Variants in GGT1 observed in about 807,000 individuals in gnomAD.
The protein encoded by GGT1 is gamma-glutamyltransferase 1.
GGT1 carries 21 observed loss-of-function variants against 56.0 expected under a neutral mutation model. That is an observed-to-expected ratio of 0.38 (90% CI 0.27 to 0.54). GGT1 has a LOEUF of 0.54. Ranked by LOEUF, GGT1 falls within the 20% of genes least tolerant of loss-of-function variation. The probability of loss-of-function intolerance (pLI) is 0.82; values close to 1 mark genes in which losing one functional copy is unlikely to be tolerated. For missense variants in GGT1, 466 were observed against 787.0 expected (o/e 0.59, Z 4.88); for synonymous variants, 238 against 342.6 (o/e 0.69, Z 3.37).
intron 1 of GGT1, among the ~76,000 whole-genome samples, chr22:24,606,237 A>G (rs1353524235): frequency 3.3e-5 from 5 of 149,602 alleles, no homozygotes; most frequent in South Asian, 2.1e-4. Context: ...TGCTGCACCC[A>G]TTAACTTGTC....
chr22:24,599,175 G>A (rs946329307), upstream of GGT1: 1 of 152,182 alleles, frequency 6.6e-6, no homozygotes, highest in Non-Finnish European at 1.5e-5. Context: ...TGGGCACTGT[G>A]GATACTGTGG....
At chr22:24,625,810 T>C (rs1284323621) in intron 11 of GGT1, among the ~76,000 whole-genome samples, 4 of 151,056 alleles carry the variant, frequency 2.6e-5, no homozygotes, top group African/African-American at 9.8e-5. Context: ...ATTACAGGCA[T>C]GAGCCACCGT....
At chr22:24,607,628 C>G (rs1401109765) in intron 1 of GGT1, 1 of 159,814 alleles carries the variant, frequency 6.3e-6, no homozygotes, top group Non-Finnish European at 1.4e-5. Context: ...TCCTCCCAGC[C>G]AGGCTGGACC....
At chr22:24,624,135 C>T (rs79452453) in intron 11 of GGT1, 31,327 of 985,332 alleles carry the variant, frequency 0.032, 571 homozygotes, top group Non-Finnish European at 0.035. Flanking sequence ...AGTGGCCACC[C>T]TCCTACCTCA....
chr22:24,604,406 C>T (rs1307117830), intron 1 of GGT1, among the ~76,000 whole-genome samples: 7 of 152,298 alleles, frequency 4.6e-5, no homozygotes, highest in South Asian at 4.1e-4. Flanking sequence ...GACTGGCTGC[C>T]GTGTCTACCT....
chr22:24,591,187 C>A (rs1178104203), upstream of GGT1, among the ~76,000 whole-genome samples: 1 of 152,276 alleles, frequency 6.6e-6, no homozygotes, highest in African/African-American at 2.4e-5. Context: ...TCAAGCAATT[C>A]TCCTGCCTCA....
intron 9 of GGT1, among the ~76,000 whole-genome samples, chr22:24,621,554 T>C (rs919582373): frequency 1.6e-5 from 2 of 123,862 alleles, no homozygotes; most frequent in African/African-American, 7.8e-5. Context: ...GGCTGTGGCT[T>C]TCTTCAGGTA....
At chr22:24,615,179 G>A (rs554691860) in intron 7 of GGT1, 52 bp downstream of exon 7, 28 of 1,344,822 alleles carry the variant, frequency 2.1e-5, no homozygotes, top group Non-Finnish European at 2.8e-5. Flanking sequence ...CTGAGCCACC[G>A]GGAAGGGGCC....
At chr22:24,596,712 A>G (rs1216922378) in intron 1 of GGT1, among the ~76,000 whole-genome samples, 4 of 149,220 alleles carry the variant, frequency 2.7e-5, no homozygotes, top group African/African-American at 9.9e-5. Context: ...ATCCTGTCCA[A>G]CATGGTGAAA....
At chr22:24,605,136 TATAATATATA>T in intron 1 of GGT1, among the ~76,000 whole-genome samples, 1 of 79,216 alleles carries the variant, frequency 1.3e-5, no homozygotes, top group African/African-American at 6.0e-5. Context: ...TAATATATTA[TATAATATATA>T]ATATGTATTA....
chr22:24,599,567 G>A (rs2045749555), upstream of GGT1, among the ~76,000 whole-genome samples: 1 of 152,104 alleles, frequency 6.6e-6, no homozygotes, highest in African/African-American at 2.4e-5. Context: ...GGGACTGGAG[G>A]TCAGGTGAGG....
chr22:24,588,072 A>C, the GGT1 span: 6 of 663,624 alleles, frequency 9.0e-6, no homozygotes, highest in Non-Finnish European at 1.6e-5. Flanking sequence ...GCTGACTTCC[A>C]GGGTAGGGCC....
chr22:24,602,239 A>C (rs977139110), upstream of GGT1, among the ~76,000 whole-genome samples: 1 of 151,988 alleles, frequency 6.6e-6, no homozygotes, highest in African/African-American at 2.4e-5. Context: ...CCCCAAATCC[A>C]ATCCCAGCTC....
Position 24,596,333 on chromosome 22 carries a change from G to A in GGT1, c.-324+1447G>A, listed in dbSNP as rs138169201. On this transcript the variant is annotated intron_variant, in intron 1 of 6. Coordinates refer to the GGT1 transcript ENST00000411974. The stretch of plus-strand genomic sequence containing the variant: ...CCACACTCCCTTTGAGGACTCCAGG[G>A]GAAGATCCTTCCTTGTCTCTTCAGC... Among the ~76,000 whole-genome samples the A allele has an allele frequency of 1.4e-3, 213 of 152,296 alleles. 3 individuals are homozygous for A. The highest frequency in any genetic ancestry group is 4.9e-3 in the African/African-American group (202 of 41,552).
upstream of GGT1, chr22:24,593,060 C>T: frequency 9.6e-7 from 1 of 1,038,656 alleles, no homozygotes; most frequent in South Asian, 4.5e-5. Flanking sequence ...CGATGGTCGC[C>T]GAACCCACAG....
At position 24,611,262 on chromosome 22, in the gene GGT1, A is replaced by C. The variant is rs2046634592; in HGVS notation, c.164+17A>C. 1 of 1,477,672 alleles carries C rather than the reference A, an allele frequency of 6.8e-7. No individual in the cohort carries two copies. The highest frequency in any genetic ancestry group is 9.3e-7 in the Non-Finnish European group (1 of 1,080,172). The allele number at this position is 1,477,672 out of a possible 1,614,324, so 91.5% of individuals were successfully genotyped here. A position where few individuals can be genotyped will look rare whatever the true frequency, so the allele number is the denominator to read the frequency against. ...GATTGGGAGGTGAGCAGGGCAGGGC[A>C]TGGGACATGGGCCCTGAAAACTGGG... On this transcript the variant is annotated intron_variant, in intron 5 of 15. Transcript: ENST00000400382.
At chr22:24,608,521 C>T (rs2046461172) in intron 2 of GGT1, among the ~76,000 whole-genome samples, 1 of 152,246 alleles carries the variant, frequency 6.6e-6, no homozygotes, top group African/African-American at 2.4e-5. Context: ...CCCTCCAGGG[C>T]ACTCAGCATG....
chr22:24,615,746 A>G (rs4049868), intron 7 of GGT1: 7 of 153,310 alleles, frequency 4.6e-5, no homozygotes, highest in African/African-American at 9.7e-5. Flanking sequence ...AGGTACCTGA[A>G]GGGAAGCCAC....
At chr22:24,614,963 C>G (rs2046967022) in intron 6 of GGT1, 57 bp downstream of exon 6, 1 of 1,569,056 alleles carries the variant, frequency 6.4e-7, no homozygotes, top group Admixed American at 1.7e-5. Context: ...TGGGCCGAGG[C>G]ACAGCTGGGC....
Sources: gnomAD v4.1 joint callset for allele counts (sites outside exome capture counted in the v4.1 genomes callset) on GRCh38, gnomAD v4.1.1 for gene constraint, MANE v1.5 for transcripts, NCBI Gene and HGNC (gene_info 2026-07-23, HGNC 2026-07-21) for gene names.